The following USP22 variants were observed in gnomAD, a reference collection of about 807,000 sequenced individuals.
USP22 encodes the protein ubiquitin specific peptidase 22, also known as ubiquitin carboxyl-terminal hydrolase 22.
Under a neutral mutation model 68.1 loss-of-function variants are expected in USP22, and 22 were observed. The ratio of observed to expected loss-of-function variants is 0.32; its 90% confidence interval spans 0.23 to 0.46. The LOEUF (loss-of-function observed/expected upper bound fraction) is 0.46. Among genes scored for constraint, USP22 ranks in the 20% least tolerant of loss-of-function variants. USP22 has a pLI of 1.00. For missense variants in USP22, 433 were observed against 695.8 expected, an observed-to-expected ratio of 0.62 and a Z score of 4.25; for synonymous variants, 279 against 274.2, an observed-to-expected ratio of 1.02 and a Z score of -0.17.
At chr17:21,003,193 TTGA>T (rs1333792080) in intron 12 of USP22, 120 bp from the exon 13 acceptor site, 2 of 1,224,522 alleles carry the variant, frequency 1.6e-6, no homozygotes, top group East Asian at 4.8e-5. Context: ...CAGGCCCGAG[TTGA>T]TGGTTTTGGC....
At chr17:21,022,088 A>C (rs761802254) in intron 2 of USP22, among the ~76,000 whole-genome samples, 57 of 152,200 alleles carry the variant, frequency 3.7e-4, no homozygotes, top group Non-Finnish European at 6.6e-4. Flanking sequence ...CAACAGAGTG[A>C]GACTCTGTCT....
chr17:21,011,917 G>A (rs934144728), intron 7 of USP22, among the ~76,000 whole-genome samples: 4 of 152,196 alleles, frequency 2.6e-5, no homozygotes, highest in Non-Finnish European at 4.4e-5. Flanking sequence ...ACAGCGAGGA[G>A]GTCCAAATTG....
chr17:21,020,774 GT>G lies in USP22; in HGVS notation c.418+338del, dbSNP rs1217504630. Among the ~76,000 whole-genome samples the G allele has an allele frequency of 6.6e-5, 10 of 152,256 alleles. No individual in the cohort carries two copies. The East Asian group carries it at 1.9e-3, about 29-fold the overall frequency. ...CGAGAGGTGTGACCTCGCCACACTC[GT>G]TCAGCCCCACATCTGCAGGTGCGCC... On this transcript the variant is annotated intron_variant, in intron 3 of 12. Coordinates refer to ENST00000261497, the MANE Select transcript of USP22 (RefSeq NM_015276.2).
intron 3 of USP22, 72 bp from the exon 4 acceptor site, chr17:21,019,257 C>T: frequency 6.8e-7 from 1 of 1,471,050 alleles, no homozygotes; most frequent in Non-Finnish European, 9.5e-7. Context: ...CACATAAAAG[C>T]TGTGGCGCTA....
chr17:21,024,003 G>C (rs1972190478), intron 2 of USP22, among the ~76,000 whole-genome samples: 1 of 152,150 alleles, frequency 6.6e-6, no homozygotes, highest in Non-Finnish European at 1.5e-5. Flanking sequence ...GTAAATCTTT[G>C]AAGTCTTCCA....
intron 2 of USP22, among the ~76,000 whole-genome samples, chr17:21,025,891 A>G (rs192121878): frequency 2.6e-5 from 4 of 152,324 alleles, no homozygotes; most frequent in South Asian, 2.1e-4. Context: ...GTGGTGCAAA[A>G]AAGTTTTGAA....
At position 21,028,494 on chromosome 17, in the gene USP22, G is replaced by T. The variant is rs755375267; in HGVS notation, c.304+48C>A. The stretch of plus-strand genomic sequence containing the variant: ...CTGCAAATCAAAAAATCAAAGAGTA[G>T]CAATTTGGGGGCCACAACTATCCCC... On this transcript the variant is annotated intron_variant, in intron 2 of 12. Coordinates refer to ENST00000261497, the MANE Select transcript of USP22 (RefSeq NM_015276.2). 21 of 1,598,044 alleles carry T rather than the reference G, an allele frequency of 1.3e-5. No homozygotes were observed. The South Asian group carries it at 2.3e-4, about 18-fold the overall frequency.
rs1423382358 is a variant in USP22 at position 20,999,775 on chromosome 17, C to G, written c.*3256G>C. The G allele has an allele frequency of 2.6e-5, 4 of 152,198 alleles. No individual in the cohort carries two copies. Among genetic ancestry groups the G allele is most frequent in the African/African-American group, 9.7e-5 (4 of 41,436 alleles). The allele number at this position is 152,198 out of a possible 1,614,324, so 9.4% of individuals were successfully genotyped here. A position where few individuals can be genotyped will look rare whatever the true frequency, so the allele number is the denominator to read the frequency against. ...TTCTTCATTTTTATTTTCAAACTTA[C>G]AGTAAACAAAACAATCACTTAAATT... is the stretch of plus-strand genomic sequence containing the variant. On this transcript the variant is annotated 3_prime_UTR_variant, in exon 13 of 13. Transcript: ENST00000261497.
intron 8 of USP22, among the ~76,000 whole-genome samples, chr17:21,008,394 AACTGTGGAAC>A (rs1319771093): frequency 1.3e-5 from 2 of 152,188 alleles, no homozygotes; most frequent in African/African-American, 2.4e-5. Flanking sequence ...TAATTAAAGA[AACTGTGGAAC>A]ACTGTACCAT....
chr17:21,030,442 T>C (rs10512423), intron 1 of USP22, among the ~76,000 whole-genome samples: 24,186 of 151,990 alleles, frequency 0.16, 2,420 homozygotes, highest in South Asian at 0.24. Flanking sequence ...ATTGAGGCAA[T>C]AGATATATAC....
At position 21,031,408 on chromosome 17, in the gene USP22, A is replaced by G. The variant is rs539561607; in HGVS notation, c.172-2734T>C. On this transcript the variant is annotated intron_variant, in intron 1 of 12. Coordinates refer to ENST00000261497, the MANE Select transcript of USP22 (RefSeq NM_015276.2). ...AACACTGAACAAAACAACTAAACAC[A>G]ACAAGCTCCTGCTGTGCTACACACT... Among the ~76,000 whole-genome samples, 6 of 152,332 alleles carry G rather than the reference A, an allele frequency of 3.9e-5. No individual in the cohort carries two copies. The South Asian group carries it at 1.2e-3, about 32-fold the overall frequency.
In USP22 at chr17:21,012,950, C is replaced by G. The variant is rs765205613; in HGVS notation, c.839-15G>C. 6.2e-7 allele frequency: 1 copy of G among 1,611,710 alleles called. No homozygotes were observed. The highest frequency in any genetic ancestry group is 8.5e-7 in the Non-Finnish European group (1 of 1,178,088). On this transcript the variant is annotated splice_polypyrimidine_tract_variant and intron_variant, in intron 6 of 12. Coordinates refer to ENST00000261497, the MANE Select transcript of USP22 (RefSeq NM_015276.2). ...ATTGTCATCACCTGGAGACAGACCA[C>G]GGCTCTGGGATTAGTGTCTCCCCAA...
chr17:21,019,712 C>T lies in USP22; in HGVS notation c.419-527G>A, dbSNP rs1247679025. Reference sequence around the variant, plus strand: ...CTAATTGGCATAGTATTCCATTCAACGCACACCCTATGCGCTCAGAAGTAC... The same window carrying T: ...CTAATTGGCATAGTATTCCATTCAATGCACACCCTATGCGCTCAGAAGTAC... On this transcript the variant is annotated intron_variant, in intron 3 of 12. Transcript: ENST00000261497. 2.6e-5 allele frequency among the ~76,000 whole-genome samples: 4 copies of T among 152,228 alleles called. No individual in the cohort carries two copies. The East Asian group carries it at 5.8e-4, about 22-fold the overall frequency.
intron 1 of USP22, among the ~76,000 whole-genome samples, chr17:21,029,372 G>GT (rs1972261054): frequency 1.3e-5 from 2 of 152,290 alleles, no homozygotes; most frequent in East Asian, 1.9e-4. Context: ...AAAAGAATCC[G>GT]TAAGTCCAGA....
chr17:21,004,794 TGGAGCTGCGGGCAGCCAAGC>T (rs1355702152), intron 11 of USP22, 114 bp downstream of exon 11: 95 of 260,370 alleles, frequency 3.6e-4, no homozygotes, highest in Middle Eastern at 1.5e-3. Context: ...CAGCCAATAG[TGGAGCTGCGGGCAGCCAAGC>T]GGGAAGCAGG....
At chr17:21,033,113 A>T (rs375818621) in intron 1 of USP22, among the ~76,000 whole-genome samples, 1 of 152,076 alleles carries the variant, frequency 6.6e-6, no homozygotes, top group South Asian at 2.1e-4. Flanking sequence ...CTGTTTAAGC[A>T]GCCCAGCACA....
At chr17:21,013,605 T>C (rs1228443128) in intron 6 of USP22, among the ~76,000 whole-genome samples, 1 of 152,218 alleles carries the variant, frequency 6.6e-6, no homozygotes, top group African/African-American at 2.4e-5. Flanking sequence ...AGGACACCTG[T>C]ATATACATCA....
chr17:21,038,881 G>T (rs1194683611), intron 1 of USP22, among the ~76,000 whole-genome samples: 1 of 152,048 alleles, frequency 6.6e-6, no homozygotes, highest in South Asian at 2.1e-4. Context: ...TAAGAAATTT[G>T]TTATATTTAA....
intron 8 of USP22, among the ~76,000 whole-genome samples, chr17:21,009,005 C>T (rs1047991298): frequency 2.0e-5 from 3 of 146,664 alleles, no homozygotes; most frequent in Non-Finnish European, 4.5e-5. Context: ...GCAGGAGAAC[C>T]GCTTGAACCT....
Sources: allele counts gnomAD v4.1 joint callset (sites outside exome capture counted in the v4.1 genomes callset), GRCh38; gene constraint gnomAD v4.1.1; transcripts MANE v1.5; gene names NCBI Gene and HGNC (gene_info 2026-07-23, HGNC 2026-07-21).